The following GRAMD2B variants were observed in gnomAD, a reference collection of about 807,000 sequenced individuals.
The protein encoded by GRAMD2B is GRAM domain-containing protein 2B.
Under a neutral mutation model 59.2 loss-of-function variants are expected in GRAMD2B, and 41 were observed. The observed-to-expected ratio is 0.69, with a 90% CI of 0.54 to 0.90. The LOEUF (loss-of-function observed/expected upper bound fraction) is 0.90. Ranked by LOEUF, GRAMD2B falls within the 40% of genes least tolerant of loss-of-function variation. The pLI, the probability that GRAMD2B is intolerant of heterozygous loss-of-function variation, is 0.00. For missense variants in GRAMD2B, 424 were observed against 500.5 expected (o/e 0.85, Z 1.46); for synonymous variants, 161 against 182.7 (o/e 0.88, Z 0.96).
At chr5:126,412,874 T>C (rs1758937918) in intron 1 of GRAMD2B, among the ~76,000 whole-genome samples, 1 of 152,064 alleles carries the variant, frequency 6.6e-6, no homozygotes, top group African/African-American at 2.4e-5. Flanking sequence ...CCATATCCTC[T>C]AGAGTTTAGT....
At chr5:126,481,677 G>T (rs751525298) in intron 8 of GRAMD2B, among the ~76,000 whole-genome samples, 3 of 152,060 alleles carry the variant, frequency 2.0e-5, no homozygotes, top group Non-Finnish European at 4.4e-5. Flanking sequence ...CCATAAAAAG[G>T]AAATTAAGGG....
At chr5:126,436,511 G>A (rs753646234) in intron 1 of GRAMD2B, among the ~76,000 whole-genome samples, 1 of 152,126 alleles carries the variant, frequency 6.6e-6, no homozygotes, top group Non-Finnish European at 1.5e-5. Context: ...AATTAGACGG[G>A]TGCAGTGGTA....
chr5:126,413,434 G>A (rs944145763), intron 1 of GRAMD2B, among the ~76,000 whole-genome samples: 5 of 152,030 alleles, frequency 3.3e-5, no homozygotes, highest in Admixed American at 6.5e-5. Context: ...TCTTGGAATC[G>A]ATTTTCATTT....
Position 126,465,557 on chromosome 5 carries a change from G to T in GRAMD2B, c.203+12G>T, listed in dbSNP as rs774487719. 1 of 1,610,578 alleles carries T rather than the reference G, an allele frequency of 6.2e-7. No homozygotes were observed. The highest frequency in any genetic ancestry group is 8.5e-7 in the Non-Finnish European group (1 of 1,178,806). On this transcript the variant is annotated intron_variant, in intron 2 of 13. Coordinates refer to ENST00000285689, the MANE Select transcript of GRAMD2B (RefSeq NM_023927.4). ...ATCATTAGCCTATGGTAAGTCCTCC[G>T]TTGACTCTCTTTGTTCTCTTTTGTC...
chr5:126,442,355 A>G (rs1437137038), intron 1 of GRAMD2B, among the ~76,000 whole-genome samples: 4 of 146,786 alleles, frequency 2.7e-5, no homozygotes, highest in East Asian at 2.0e-4. Flanking sequence ...TAATGGTGTG[A>G]TGTGGGCTCA....
At chr5:126,390,758 A>T (rs1756655214) in intron 1 of GRAMD2B, among the ~76,000 whole-genome samples, 1 of 152,198 alleles carries the variant, frequency 6.6e-6, no homozygotes, top group South Asian at 2.1e-4. Flanking sequence ...AACATTTACT[A>T]GATGTCTTCT....
Position 126,444,944 on chromosome 5 carries a change from G to T in GRAMD2B, c.84-20482G>T, listed in dbSNP as rs74591712. On this transcript the variant is annotated intron_variant, in intron 1 of 13. Transcript: ENST00000285689. ...CCTCCACTTAAGAGTGAGAACATAC[G>T]GTGTTTGATTTTCTTTTCCTGCATT... 1.4e-3 allele frequency among the ~76,000 whole-genome samples: 218 copies of T among 152,256 alleles called. 2 individuals carry two copies. Among genetic ancestry groups the T allele is most frequent in the African/African-American group, 5.1e-3 (212 of 41,556 alleles).
intron 1 of GRAMD2B, among the ~76,000 whole-genome samples, chr5:126,365,335 G>A (rs746861672): frequency 6.6e-6 from 1 of 152,086 alleles, no homozygotes; most frequent in Non-Finnish European, 1.5e-5. Context: ...TATGGGGGAC[G>A]CTAATAATCA....
At chr5:126,468,940 CTG>C (rs1769003029) in intron 2 of GRAMD2B, among the ~76,000 whole-genome samples, 1 of 152,126 alleles carries the variant, frequency 6.6e-6, no homozygotes, top group African/African-American at 2.4e-5. Flanking sequence ...AGGATACAAA[CTG>C]TGTTATGGGC....
chr5:126,481,031 T>C lies in GRAMD2B; in HGVS notation c.735+324T>C, dbSNP rs138623298. On this transcript the variant is annotated intron_variant, in intron 8 of 13. Coordinates refer to ENST00000285689, the MANE Select transcript of GRAMD2B (RefSeq NM_023927.4). ...GGCTTAGAGGGATTCACAAATCTAT[T>C]TGAGGTAGGACTGAATCATCCCACA... is the stretch of plus-strand genomic sequence containing the variant. 29 of 342,464 alleles carry C rather than the reference T, an allele frequency of 8.5e-5. No individual in the cohort carries two copies. In the East Asian group the frequency reaches 1.6e-3, roughly 19 times the overall value. 21.2% of individuals were successfully genotyped at this position (342,464 alleles called of 1,614,324 possible).
At chr5:126,373,555 A>C (rs1754936877) in intron 1 of GRAMD2B, among the ~76,000 whole-genome samples, 1 of 152,248 alleles carries the variant, frequency 6.6e-6, no homozygotes, top group African/African-American at 2.4e-5. Context: ...AGAGGTTACA[A>C]TCATGAGTGA....
At position 126,478,140 on chromosome 5, in the gene GRAMD2B, G is replaced by GAAAA. The variant is rs11376080; in HGVS notation, c.582+369_582+372dup. 1.3e-3 allele frequency among the ~76,000 whole-genome samples: 160 copies of GAAAA among 126,834 alleles called. 2 individuals carry two copies. The highest frequency in any genetic ancestry group is 4.5e-3 in the African/African-American group (151 of 33,880). 83.2% of individuals were successfully genotyped at this position (126,834 alleles called of 152,430 possible). A position where few individuals can be genotyped will look rare whatever the true frequency, so the allele number is the denominator to read the frequency against. On this transcript the variant is annotated intron_variant, in intron 6 of 13. Coordinates refer to ENST00000285689, the MANE Select transcript of GRAMD2B (RefSeq NM_023927.4). The stretch of plus-strand genomic sequence containing the variant: ...GTTCCTTTAATAATAGTCTTAAAGG[G>GAAAA]AAAAAAAAAAAAAAAAAAAGGAGGT...
intron 5 of GRAMD2B, among the ~76,000 whole-genome samples, 155 bp downstream of exon 5, chr5:126,473,523 C>T (rs1019264024): frequency 1.3e-5 from 2 of 152,076 alleles, no homozygotes; most frequent in Non-Finnish European, 2.9e-5. Context: ...ACTATGCATT[C>T]TAAATGCCTC....
chr5:126,461,581 C>T (rs1245344077), intron 1 of GRAMD2B, among the ~76,000 whole-genome samples: 5 of 152,158 alleles, frequency 3.3e-5, no homozygotes, highest in Non-Finnish European at 7.3e-5. Context: ...AGGTGGATCA[C>T]TTGAGGCCAG....
chr5:126,477,343 A>C (rs1402893503), intron 5 of GRAMD2B, among the ~76,000 whole-genome samples: 1 of 152,216 alleles, frequency 6.6e-6, no homozygotes, highest in Non-Finnish European at 1.5e-5. Context: ...AAGTTAGCCC[A>C]AAGTGGATGA....
intron 1 of GRAMD2B, among the ~76,000 whole-genome samples, chr5:126,382,375 T>A (rs1299475071): frequency 6.6e-6 from 1 of 152,144 alleles, no homozygotes; most frequent in Admixed American, 6.5e-5. Context: ...CCTGGAGGCT[T>A]TTTTCACTTT....
At chr5:126,438,743 G>A (rs1158862381) in intron 1 of GRAMD2B, among the ~76,000 whole-genome samples, 3 of 152,164 alleles carry the variant, frequency 2.0e-5, no homozygotes, top group Non-Finnish European at 4.4e-5. Context: ...GCTGATTTGG[G>A]GATTTTATCT....
intron 1 of GRAMD2B, among the ~76,000 whole-genome samples, chr5:126,405,125 G>C (rs1192569398): frequency 6.6e-6 from 1 of 151,706 alleles, no homozygotes; most frequent in Non-Finnish European, 1.5e-5. Context: ...ACTATGACTG[G>C]GGATGCAGAA....
chr5:126,428,571 T>G (rs1760999155), intron 1 of GRAMD2B, among the ~76,000 whole-genome samples: 1 of 152,164 alleles, frequency 6.6e-6, no homozygotes, highest in South Asian at 2.1e-4. Flanking sequence ...GAATGCAGGC[T>G]CTAGGAAACT....
Sources: allele counts gnomAD v4.1 joint callset (sites outside exome capture counted in the v4.1 genomes callset), GRCh38; gene constraint gnomAD v4.1.1; transcripts MANE v1.5; gene names NCBI Gene and HGNC (gene_info 2026-07-23, HGNC 2026-07-21).